The following ADAM17 variants were observed in gnomAD, a reference collection of about 807,000 sequenced individuals.
The protein encoded by ADAM17 is disintegrin and metalloproteinase domain-containing protein 17.
A neutral mutation model predicts 96.7 loss-of-function variants in ADAM17; 39 were observed. The ratio of observed to expected loss-of-function variants is 0.40; its 90% CI spans 0.31 to 0.53. The LOEUF is 0.53. Ranked by LOEUF, ADAM17 falls within the 20% of genes least tolerant of loss-of-function variation. The pLI, the probability that ADAM17 is intolerant of heterozygous loss-of-function variation, is 0.44. For synonymous variants in ADAM17, 344 were observed against 359.2 expected (o/e 0.96, Z 0.48); for missense variants, 777 against 1,013.2 (o/e 0.77, Z 3.17).
chr2:9,515,854 C>T (rs904906034), intron 10 of ADAM17, among the ~76,000 whole-genome samples: 10 of 152,096 alleles, frequency 6.6e-5, no homozygotes, highest in African/African-American at 2.4e-4. Flanking sequence ...GCTCCATAGC[C>T]TTGTTGGAAT....
In ADAM17 at chr2:9,521,216, T is replaced by C. The variant is rs1664294967; in HGVS notation, c.944A>G (p.Lys315Arg). Reference sequence around the variant, plus strand: ...TCTAAGACCTACCTCTAGCAACATCTTCACATCCCAAGCATCCTTTTCTTC... The same window carrying C: ...TCTAAGACCTACCTCTAGCAACATCCTCACATCCCAAGCATCCTTTTCTTC... ...PNEEKDAWDV[K>R]MLLEQFSFDI... The change falls in exon 8 of 19, where the codon AAG (lysine) becomes AGG (arginine). Residue 315 changes from lysine to arginine, a missense_variant. Coordinates refer to ENST00000310823, the MANE Select transcript of ADAM17 (RefSeq NM_003183.6). 2.5e-6 allele frequency: 4 copies of C among 1,605,294 alleles called. No homozygotes were observed. The highest frequency in any genetic ancestry group is 1.7e-5 in the Admixed American group (1 of 59,926).
rs149901341 is a variant in ADAM17, at chr2:9,549,435, T to C, written c.97+6074A>G. On this transcript the variant is annotated intron_variant, in intron 1 of 18. Transcript: ENST00000310823. Reference sequence around the variant, plus strand: ...GTGTGTATATCAACATATATACACATAAGTATAGTGGTATGTATATAACCG... The same window carrying C: ...GTGTGTATATCAACATATATACACACAAGTATAGTGGTATGTATATAACCG... Among the ~76,000 whole-genome samples, 79 of 152,272 alleles carry C rather than the reference T, an allele frequency of 5.2e-4. 1 individual carries two copies. Among genetic ancestry groups the C allele is most frequent in the African/African-American group, 1.8e-3 (74 of 41,544 alleles).
At chr2:9,538,286 T>C (rs1325618248) in intron 2 of ADAM17, among the ~76,000 whole-genome samples, 6 of 152,182 alleles carry the variant, frequency 3.9e-5, no homozygotes, top group Non-Finnish European at 5.9e-5. Flanking sequence ...AATATATTAC[T>C]TCCCCATGGG....
chr2:9,529,479 CA>C (rs1292442236), intron 4 of ADAM17, among the ~76,000 whole-genome samples: 2 of 151,750 alleles, frequency 1.3e-5, no homozygotes, highest in East Asian at 1.9e-4. Context: ...AAGCCACACA[CA>C]AAAGACATGT....
chr2:9,497,760 T>C (rs897044816), intron 13 of ADAM17, among the ~76,000 whole-genome samples: 9 of 152,192 alleles, frequency 5.9e-5, no homozygotes, highest in Admixed American at 1.3e-4. Context: ...GCTTTTCTTA[T>C]GGATTAAGTT....
intron 1 of ADAM17, among the ~76,000 whole-genome samples, chr2:9,552,188 C>T (rs532974408): frequency 7.1e-4 from 108 of 152,304 alleles, no homozygotes; most frequent in Non-Finnish European, 4.4e-4. Flanking sequence ...CAGCTGTATA[C>T]ACTTATTATC....
intron 10 of ADAM17, among the ~76,000 whole-genome samples, chr2:9,510,542 T>TA (rs1384050125): frequency 9.9e-5 from 15 of 152,038 alleles, no homozygotes; most frequent in Non-Finnish European, 1.6e-4. Flanking sequence ...CACGCGCCTG[T>TA]AATCTCAACT....
intron 12 of ADAM17, among the ~76,000 whole-genome samples, chr2:9,503,405 T>G (rs1663146434): frequency 6.6e-6 from 1 of 152,160 alleles, no homozygotes; most frequent in Non-Finnish European, 1.5e-5. Flanking sequence ...TCCACACTAT[T>G]CCAGTATATA....
chr2:9,546,089 C>T (rs1210653237), intron 1 of ADAM17, among the ~76,000 whole-genome samples: 3 of 145,462 alleles, frequency 2.1e-5, no homozygotes, highest in Admixed American at 6.9e-5. Flanking sequence ...CAGGATGAGA[C>T]CCAGTCTCAA....
chr2:9,550,254 G>A (rs1233404258), intron 1 of ADAM17, among the ~76,000 whole-genome samples: 3 of 152,078 alleles, frequency 2.0e-5, no homozygotes, highest in Non-Finnish European at 4.4e-5. Flanking sequence ...GGAGGATAGA[G>A]TATGAGCTGC....
intron 5 of ADAM17, among the ~76,000 whole-genome samples, chr2:9,526,828 A>G (rs1344173344): frequency 6.6e-6 from 1 of 152,176 alleles, no homozygotes; most frequent in African/African-American, 2.4e-5. Flanking sequence ...AGTGCTCAAC[A>G]GAGTAAAACA....
chr2:9,491,199 TAGTG>T (rs758135029), intron 17 of ADAM17, 48 bp from the exon 18 acceptor site: 3 of 1,538,800 alleles, frequency 1.9e-6, no homozygotes, highest in East Asian at 4.5e-5. Flanking sequence ...ACAATTCAGT[TAGTG>T]AGTACTATTT....
In ADAM17 at chr2:9,518,259, CAAAA is replaced by C. The variant is rs34863481; in HGVS notation, c.958-16_958-13del. The C allele has an allele frequency of 8.0e-3, 6,453 of 807,386 alleles. 1 individual carries two copies. The highest frequency in any genetic ancestry group is 0.018 in the East Asian group (317 of 17,756). 50.0% of individuals were successfully genotyped at this position (807,386 alleles called of 1,614,324 possible). A position where few individuals can be genotyped will look rare whatever the true frequency, so the allele number is the denominator to read the frequency against. On this transcript the variant is annotated splice_polypyrimidine_tract_variant and intron_variant, in intron 8 of 18. Coordinates refer to ENST00000310823, the MANE Select transcript of ADAM17 (RefSeq NM_003183.6). ...TCAAAGCTAAATTGCTTTGAAAGAC[CAAAA>C]AAAAAAAAAAAAAAAAAAGCATTCT...
At chr2:9,510,623 C>T (rs1663684023) in intron 10 of ADAM17, among the ~76,000 whole-genome samples, 1 of 150,360 alleles carries the variant, frequency 6.7e-6, no homozygotes, top group Non-Finnish European at 1.5e-5. Context: ...GAGATCACGC[C>T]ATTGCACTCC....
At chr2:9,521,380 G>T in intron 7 of ADAM17, 64 bp from the exon 8 acceptor site, 1 of 1,122,078 alleles carries the variant, frequency 8.9e-7, no homozygotes, top group Non-Finnish European at 1.3e-6. Context: ...TCTGAATACT[G>T]CATTATTTTA....
intron 1 of ADAM17, among the ~76,000 whole-genome samples, chr2:9,554,080 T>C (rs937449303): frequency 6.6e-6 from 1 of 151,962 alleles, no homozygotes; most frequent in Non-Finnish European, 1.5e-5. Context: ...AAAAATGGTC[T>C]AAAAAACCTT....
chr2:9,501,761 C>T (rs778061492), intron 13 of ADAM17, among the ~76,000 whole-genome samples: 1 of 152,136 alleles, frequency 6.6e-6, no homozygotes, highest in Non-Finnish European at 1.5e-5. Flanking sequence ...CCATTAAAAA[C>T]CTTGTTATAT....
chr2:9,548,482 TAAA>T (rs754054511), intron 1 of ADAM17, among the ~76,000 whole-genome samples: 3 of 138,704 alleles, frequency 2.2e-5, no homozygotes, highest in Admixed American at 1.5e-4. Flanking sequence ...TCACTGTGAT[TAAA>T]AAAAAAAAAA....
chr2:9,490,478 C>T lies in ADAM17; in HGVS notation c.2174G>A (p.Arg725His), dbSNP rs147275585. ...GGGCGCAGGAAAGGGTTTGATAATG[C>T]GAACCGATGCAGAATCCATGCTGCT... ...MLSSMDSASV[R>H]IIKPFPAPQT... The change falls in exon 19 of 19, where the codon CGC (arginine) becomes CAC (histidine). Residue 725 changes from arginine to histidine, a missense_variant. Physicochemically the swap from Arg to His is conservative, Grantham distance 29. Coordinates refer to ENST00000310823, the MANE Select transcript of ADAM17 (RefSeq NM_003183.6). 54 of 1,613,908 alleles carry T rather than the reference C, an allele frequency of 3.3e-5. No homozygotes were observed. Among genetic ancestry groups the T allele is most frequent in the South Asian group, 4.4e-5 (4 of 91,056 alleles).
Sources: allele counts gnomAD v4.1 joint callset (sites outside exome capture counted in the v4.1 genomes callset), GRCh38; gene constraint gnomAD v4.1.1; transcripts MANE v1.5; gene names NCBI Gene and HGNC (gene_info 2026-07-23, HGNC 2026-07-21).